The following VEGFD variants were observed in gnomAD, a reference collection of about 807,000 sequenced individuals.
VEGFD encodes the protein c-fos induced growth factor (vascular endothelial growth factor D).
VEGFD carries 26 observed loss-of-function variants against 28.0 expected under a neutral mutation model. That is an observed-to-expected ratio of 0.93 (90% CI 0.68 to 1.29). The LOEUF (loss-of-function observed/expected upper bound fraction) is 1.29. VEGFD is among the 50% of genes most tolerant of loss of function. The pLI, the probability that VEGFD is intolerant of heterozygous loss-of-function variation, is 0.00. For missense variants in VEGFD, 294 were observed against 273.4 expected (o/e 1.08, Z -0.53); for synonymous variants, 93 against 95.5 (o/e 0.97, Z 0.15).
At chrX:15,353,388 A>G (rs775826772) in intron 4 of VEGFD, among the ~76,000 whole-genome samples, 1 of 112,776 alleles carries the variant, frequency 8.9e-6, no homozygotes, top group African/African-American at 3.2e-5. Flanking sequence ...AATTGCTAAG[A>G]GAGTAAATTT....
intron 1 of VEGFD, among the ~76,000 whole-genome samples, chrX:15,383,620 C>T (rs760405209): frequency 5.4e-5 from 6 of 111,811 alleles, no homozygotes; most frequent in South Asian, 3.7e-4. Flanking sequence ...TCATGTTCTA[C>T]CATAACTTCA....
chrX:15,346,854 CAG>C (rs1922562543), intron 6 of VEGFD, among the ~76,000 whole-genome samples: 1 of 110,662 alleles, frequency 9.0e-6, no homozygotes, highest in Admixed American at 9.6e-5. Flanking sequence ...TCCCTTGAAC[CAG>C]AGAGACGGAG....
intron 2 of VEGFD, among the ~76,000 whole-genome samples, chrX:15,361,856 G>T (rs6653957): frequency 0.059 from 6,348 of 108,426 alleles, 207 homozygotes; most frequent in African/African-American, 0.12. Context: ...TTGTTTTTTT[G>T]TTTTGTTTTG....
At chrX:15,370,117 C>T (rs909748182) in intron 1 of VEGFD, among the ~76,000 whole-genome samples, 2 of 111,206 alleles carry the variant, frequency 1.8e-5, no homozygotes, top group Non-Finnish European at 3.8e-5. Flanking sequence ...AGGTCTGGTC[C>T]GTCACATGGA....
intron 5 of VEGFD, among the ~76,000 whole-genome samples, chrX:15,350,811 TTC>T (rs1270964302): frequency 3.0e-5 from 3 of 101,141 alleles, no homozygotes; most frequent in East Asian, 3.0e-4. Context: ...CTTTCTTTCT[TTC>T]TCTCTCTCTC....
intron 2 of VEGFD, among the ~76,000 whole-genome samples, chrX:15,362,657 G>A (rs755782755): frequency 9.0e-6 from 1 of 111,343 alleles, no homozygotes; most frequent in East Asian, 2.8e-4. Flanking sequence ...GGGCTCAAGC[G>A]ATCTGCCGTT....
intron 2 of VEGFD, among the ~76,000 whole-genome samples, chrX:15,361,433 A>T (rs1417869194): frequency 8.9e-6 from 1 of 111,996 alleles, no homozygotes; most frequent in African/African-American, 3.3e-5. Flanking sequence ...TCACTTAGAC[A>T]CACAGTCATA....
At chrX:15,354,425 C>G (rs1263387216) in intron 4 of VEGFD, among the ~76,000 whole-genome samples, 1 of 111,533 alleles carries the variant, frequency 9.0e-6, no homozygotes, top group Non-Finnish European at 1.9e-5. Flanking sequence ...CACCAGCTTA[C>G]TCTTTTACTT....
Position 15,345,983 on chromosome X carries a change from G to A in VEGFD, c.*150C>T. 2 of 636,362 alleles carry A rather than the reference G, an allele frequency of 3.1e-6. No individual in the cohort carries two copies. Among genetic ancestry groups the A allele is most frequent in the Non-Finnish European group, 2.4e-6 (1 of 412,310 alleles). The allele number at this position is 636,362 out of a possible 1,213,427, so 52.4% of individuals were successfully genotyped here. On this transcript the variant is annotated 3_prime_UTR_variant, in exon 7 of 7. Transcript: ENST00000297904. Reference sequence around the variant, plus strand: ...CCATCAATGAACCAGGGACTCCTTAGCTGGTGTGAATGGAAGGTTGGTCTG... The same window carrying A: ...CCATCAATGAACCAGGGACTCCTTAACTGGTGTGAATGGAAGGTTGGTCTG...
chrX:15,371,432 TTC>T (rs1321616069), intron 1 of VEGFD, among the ~76,000 whole-genome samples: 1 of 112,439 alleles, frequency 8.9e-6, no homozygotes, highest in African/African-American at 3.2e-5. Context: ...GCAAGTAATT[TTC>T]TTTTTTCTTT....
chrX:15,376,863 CTCTT>C (rs767414233), intron 1 of VEGFD, among the ~76,000 whole-genome samples: 1 of 111,946 alleles, frequency 8.9e-6, no homozygotes, highest in East Asian at 2.8e-4. Flanking sequence ...CAAAATTACA[CTCTT>C]TCTAACACTC....
intron 3 of VEGFD, among the ~76,000 whole-genome samples, chrX:15,356,658 T>C (rs1922875293): frequency 8.9e-6 from 1 of 111,987 alleles, no homozygotes; most frequent in African/African-American, 3.2e-5. Context: ...TTTTTGGCTA[T>C]GCTCTAGGGA....
intron 5 of VEGFD, among the ~76,000 whole-genome samples, chrX:15,351,185 G>T (rs1326131884): frequency 1.1e-5 from 1 of 91,746 alleles, no homozygotes; most frequent in South Asian, 5.7e-4. Context: ...GCGGGATCTC[G>T]GCTCACTGCA....
At chrX:15,370,747 G>T (rs772226204) in intron 1 of VEGFD, among the ~76,000 whole-genome samples, 1 of 111,315 alleles carries the variant, frequency 9.0e-6, no homozygotes, top group South Asian at 3.8e-4. Flanking sequence ...TGACGCAGTG[G>T]GTTTGGGGCA....
chrX:15,352,192 T>C (rs1055088396), intron 5 of VEGFD, among the ~76,000 whole-genome samples: 5 of 112,103 alleles, frequency 4.5e-5, no homozygotes, highest in African/African-American at 1.6e-4. Flanking sequence ...GAATGGAGAG[T>C]AGGTTGCTAT....
chrX:15,372,653 T>C (rs1923341049), intron 1 of VEGFD, among the ~76,000 whole-genome samples: 1 of 111,317 alleles, frequency 9.0e-6, no homozygotes, highest in Non-Finnish European at 1.9e-5. Context: ...ATATAGGAAC[T>C]CTCTATATTG....
At chrX:15,351,152 G>A (rs1922711170) in intron 5 of VEGFD, among the ~76,000 whole-genome samples, 1 of 83,326 alleles carries the variant, frequency 1.2e-5, no homozygotes, top group African/African-American at 4.6e-5. Context: ...GTCTCGCTCT[G>A]TTGCCCAGGC....
intron 1 of VEGFD, among the ~76,000 whole-genome samples, chrX:15,376,991 C>T (rs1364501346): frequency 4.5e-5 from 5 of 111,949 alleles, no homozygotes; most frequent in African/African-American, 6.5e-5. Context: ...GAAACCAATA[C>T]TTATCTCCAA....
chrX:15,383,197 A>C (rs1392896380), intron 1 of VEGFD, among the ~76,000 whole-genome samples: 6 of 112,062 alleles, frequency 5.4e-5, no homozygotes, highest in African/African-American at 1.6e-4. Context: ...GAAATGCATA[A>C]AATTGGGCTA....
Sources: allele counts gnomAD v4.1 joint callset (sites outside exome capture counted in the v4.1 genomes callset), GRCh38; gene constraint gnomAD v4.1.1; transcripts MANE v1.5; gene names NCBI Gene and HGNC (gene_info 2026-07-23, HGNC 2026-07-21).